The following DNAAF9 variants were observed in gnomAD, a reference collection of about 807,000 sequenced individuals.
The protein encoded by DNAAF9 is shulin.
DNAAF9 carries 90 observed loss-of-function variants against 167.0 expected under a neutral mutation model. The ratio of observed to expected loss-of-function variants is 0.54; its 90% confidence interval spans 0.45 to 0.64. DNAAF9 has a LOEUF of 0.64. DNAAF9 is among the 30% of genes least tolerant of loss of function. The pLI, the probability that DNAAF9 is intolerant of heterozygous loss-of-function variation, is 0.00. For missense variants in DNAAF9, 1,315 were observed against 1,442.2 expected, an observed-to-expected ratio of 0.91 and a Z score of 1.43; for synonymous variants, 491 against 508.8, an observed-to-expected ratio of 0.96 and a Z score of 0.47.
intron 10 of DNAAF9, among the ~76,000 whole-genome samples, chr20:3,336,264 T>TTTGTTTTG (rs1555793464): frequency 3.6e-5 from 5 of 137,900 alleles, no homozygotes; most frequent in Admixed American, 2.1e-4. Flanking sequence ...TTTTGTTTTT[T>TTTGTTTTG]TTTTTTTTTT....
intron 16 of DNAAF9, among the ~76,000 whole-genome samples, chr20:3,318,625 C>T (rs2069552680): frequency 6.6e-6 from 1 of 152,160 alleles, no homozygotes. Flanking sequence ...CACCCTTGGG[C>T]TATAAGGAAA....
intron 1 of DNAAF9, among the ~76,000 whole-genome samples, chr20:3,407,175 A>G (rs945390357): frequency 2.0e-5 from 3 of 152,114 alleles, no homozygotes; most frequent in African/African-American, 4.8e-5. Flanking sequence ...TGAGGACGTC[A>G]TAACAGTGTC....
At chr20:3,288,172 G>A (rs1355601660) in intron 26 of DNAAF9, among the ~76,000 whole-genome samples, 1 of 152,178 alleles carries the variant, frequency 6.6e-6, no homozygotes, top group Non-Finnish European at 1.5e-5. Context: ...AGGGTTGGCT[G>A]GGCATTGTGG....
chr20:3,322,312 C>T (rs927893800), intron 15 of DNAAF9, 50 bp from the exon 16 acceptor site: 2 of 1,395,838 alleles, frequency 1.4e-6, no homozygotes, highest in Non-Finnish European at 1.0e-6. Flanking sequence ...TTTAAGTGTA[C>T]TTAAATTTAC....
intron 32 of DNAAF9, 90 bp from the exon 33 acceptor site, chr20:3,259,644 G>A (rs2122744170): frequency 2.2e-6 from 2 of 899,012 alleles, no homozygotes; most frequent in Non-Finnish European, 3.8e-6. Flanking sequence ...GGACTGGGGA[G>A]GGACCATACA....
intron 7 of DNAAF9, among the ~76,000 whole-genome samples, chr20:3,355,546 C>CA (rs2083272962): frequency 3.7e-5 from 2 of 54,122 alleles, no homozygotes; most frequent in South Asian, 1.7e-3. Flanking sequence ...TGCACTCCAG[C>CA]CTGGGTGACA....
Position 3,326,268 on chromosome 20 carries a change from T to C in DNAAF9, c.1117A>G (p.Ile373Val). Residue 373 changes from isoleucine (I) to valine (V), a missense_variant, in exon 13 of 37, where the codon ATA becomes GTA. Physicochemically the swap from Ile to Val is conservative, Grantham distance 29. Coordinates refer to ENST00000252032, the MANE Select transcript of DNAAF9 (RefSeq NM_001009984.3). Reference sequence around the variant, plus strand: ...ACAGCCTCAATAACAGCAGCATATATCTGGGACAATAGCCTACTTTAAAAA... The same window carrying C: ...ACAGCCTCAATAACAGCAGCATATACCTGGGACAATAGCCTACTTTAAAAA... Reference protein sequence around the residue: ...KTEQIRLLSQIYAAVIEAVLA... With the variant: ...KTEQIRLLSQVYAAVIEAVLA... 3 of 1,612,658 alleles carry C rather than the reference T, an allele frequency of 1.9e-6. No homozygotes were observed. Among genetic ancestry groups the C allele is most frequent in the Non-Finnish European group, 2.5e-6 (3 of 1,178,814 alleles).
At chr20:3,368,873 G>A (rs887269218) in intron 6 of DNAAF9, among the ~76,000 whole-genome samples, 9 of 24,350 alleles carry the variant, frequency 3.7e-4, no homozygotes, top group Non-Finnish European at 7.2e-5. Context: ...GGTGGCTCAC[G>A]CCTGTAATCC....
intron 25 of DNAAF9, among the ~76,000 whole-genome samples, chr20:3,291,717 C>T (rs919497969): frequency 1.4e-4 from 22 of 152,274 alleles, no homozygotes; most frequent in Admixed American, 7.8e-4. Flanking sequence ...TAAAGCTAAG[C>T]CTGGAAGCAC....
intron 23 of DNAAF9, among the ~76,000 whole-genome samples, chr20:3,295,023 G>A (rs1274603730): frequency 2.6e-5 from 4 of 151,548 alleles, no homozygotes; most frequent in African/African-American, 7.3e-5. Flanking sequence ...CTGCCACCAC[G>A]CCCAACTAAT....
At chr20:3,294,412 T>C (rs1402847832) in intron 24 of DNAAF9, 116 bp downstream of exon 24, 26 of 810,510 alleles carry the variant, frequency 3.2e-5, no homozygotes, top group Non-Finnish European at 4.4e-5. Flanking sequence ...ACTGCGACAT[T>C]TTACAGTGAT....
intron 10 of DNAAF9, among the ~76,000 whole-genome samples, chr20:3,338,593 T>C (rs981817017): frequency 6.6e-6 from 1 of 152,090 alleles, no homozygotes; most frequent in Non-Finnish European, 1.5e-5. Context: ...CTTCTTCAGG[T>C]ATTCCCAGTA....
chr20:3,293,666 C>CA (rs71195830), intron 25 of DNAAF9, among the ~76,000 whole-genome samples: 1,703 of 85,560 alleles, frequency 0.02, 19 homozygotes, highest in African/African-American at 0.026. Context: ...GCCTGGGTGA[C>CA]AAAAAAAAAA....
chr20:3,307,540 G>A (rs2069321337), intron 20 of DNAAF9, among the ~76,000 whole-genome samples: 1 of 151,924 alleles, frequency 6.6e-6, no homozygotes, highest in Non-Finnish European at 1.5e-5. Context: ...GGTTCACAGG[G>A]GCCAGGGCAG....
rs758057530 is a variant in DNAAF9, at chr20:3,381,489, C to T, written c.173G>A (p.Ser58Asn). The change falls in exon 3 of 37, where the codon AGC becomes AAC. Residue 58 changes from serine to asparagine, a missense_variant. This residue lies in a region of DNAAF9 where 981 missense variants were observed against 1,012.5 expected (regional missense o/e 0.97). Coordinates refer to ENST00000252032, the MANE Select transcript of DNAAF9 (RefSeq NM_001009984.3). ...DGILCILGID[S>N]RYNEGCRELA... ...CTCTCTGCAGCCTTCATTGTACCTG[C>T]TATCGATTCCTGCAAGGCAAAGGAG... 5.6e-6 allele frequency: 9 copies of T among 1,613,498 alleles called. No homozygotes were observed. The South Asian group carries it at 9.9e-5, about 18-fold the overall frequency.
At chr20:3,333,590 G>A (rs913388162) in intron 10 of DNAAF9, among the ~76,000 whole-genome samples, 2 of 152,150 alleles carry the variant, frequency 1.3e-5, no homozygotes, top group African/African-American at 4.8e-5. Flanking sequence ...CCATGACAAT[G>A]AATGAAAACT....
At chr20:3,335,126 G>A (rs2069912761) in intron 10 of DNAAF9, among the ~76,000 whole-genome samples, 1 of 152,058 alleles carries the variant, frequency 6.6e-6, no homozygotes, top group Admixed American at 6.5e-5. Flanking sequence ...GGCAACTTTT[G>A]AGATAAAACC....
intron 1 of DNAAF9, among the ~76,000 whole-genome samples, chr20:3,398,692 G>A (rs1160376285): frequency 6.6e-6 from 1 of 152,180 alleles, no homozygotes; most frequent in Non-Finnish European, 1.5e-5. Flanking sequence ...GGAATCAACA[G>A]CAGAAGTAAT....
chr20:3,297,367 C>G (rs1428273098), intron 22 of DNAAF9, among the ~76,000 whole-genome samples: 1 of 152,140 alleles, frequency 6.6e-6, no homozygotes, highest in Non-Finnish European at 1.5e-5. Flanking sequence ...TAAAAAGGTC[C>G]AGCAAAGGTG....
Sources: gnomAD v4.1 joint callset for allele counts (sites outside exome capture counted in the v4.1 genomes callset) on GRCh38, gnomAD v4.1.1 for gene constraint, gnomAD v4.1.1 regional missense constraint, MANE v1.5 for transcripts, NCBI Gene and HGNC (gene_info 2026-07-23, HGNC 2026-07-21) for gene names.